Variants in HPSE2 observed in about 807,000 individuals in gnomAD.
HPSE2 encodes the protein heparanase 2 (inactive).
In HPSE2, 38 loss-of-function variants were observed where a neutral mutation model predicts 60.5. The ratio of observed to expected loss-of-function variants is 0.63; its 90% CI spans 0.48 to 0.82. The LOEUF is 0.82. HPSE2 is among the 40% of genes least tolerant of loss of function. The pLI, the probability that HPSE2 is intolerant of heterozygous loss-of-function variation, is 0.00. For synonymous variants in HPSE2, 295 were observed against 293.2 expected (o/e 1.01, Z -0.06); for missense variants, 713 against 740.4 (o/e 0.96, Z 0.43).
At chr10:99,072,348 TCAGAG>T (rs3044537) in intron 3 of HPSE2, among the ~76,000 whole-genome samples, 74,096 of 151,444 alleles carry the variant, frequency 0.49, 20,507 homozygotes, top group East Asian at 0.65. Flanking sequence ...GAAACTATCA[TCAGAG>T]CAAACAGGCA....
intron 2 of HPSE2, among the ~76,000 whole-genome samples, chr10:99,147,312 C>A (rs546555595): frequency 2.0e-5 from 3 of 152,240 alleles, no homozygotes; most frequent in Non-Finnish European, 4.4e-5. Context: ...TATACTGTTA[C>A]AATGGTATTC....
intron 2 of HPSE2, among the ~76,000 whole-genome samples, chr10:99,174,967 G>A (rs1026180914): frequency 6.6e-6 from 1 of 152,210 alleles, no homozygotes; most frequent in African/African-American, 2.4e-5. Context: ...TGGAAGGCGA[G>A]CAGAAGCAGG....
In HPSE2 at chr10:99,120,253, A is replaced by G. The variant is rs569048573; in HGVS notation, c.610+23985T>C. Among the ~76,000 whole-genome samples, 5 of 152,330 alleles carry G rather than the reference A, an allele frequency of 3.3e-5. No individual in the cohort carries two copies. The East Asian group carries it at 9.6e-4, about 29-fold the overall frequency. ...GAACTTAAACAAATTTACGATTTAA[A>G]AAAACCATTAAAAAGTGGGCAAAGG... On this transcript the variant is annotated intron_variant, in intron 3 of 11. Transcript: ENST00000370552.
At chr10:99,173,600 G>A (rs2133808720) in intron 2 of HPSE2, among the ~76,000 whole-genome samples, 2 of 152,188 alleles carry the variant, frequency 1.3e-5, no homozygotes, top group South Asian at 4.2e-4. Flanking sequence ...ACTGGAAAGG[G>A]TCTGTAAAAC....
At chr10:98,510,647 C>A (rs1942358919) in intron 9 of HPSE2, among the ~76,000 whole-genome samples, 1 of 152,180 alleles carries the variant, frequency 6.6e-6, no homozygotes, top group African/African-American at 2.4e-5. Context: ...GGACTCTGAC[C>A]CTAGGCTCTG....
intron 3 of HPSE2, among the ~76,000 whole-genome samples, chr10:98,895,932 T>A: frequency 1.0e-5 from 1 of 96,246 alleles, no homozygotes. Context: ...CTGGGGACTG[T>A]TGTGGGGTGG....
intron 9 of HPSE2, among the ~76,000 whole-genome samples, chr10:98,560,462 T>C (rs987480691): frequency 3.9e-5 from 6 of 152,252 alleles, no homozygotes; most frequent in African/African-American, 1.2e-4. Context: ...TCCCATGGCC[T>C]GCCACTCCCT....
chr10:98,966,119 G>A (rs1192662622), intron 3 of HPSE2, among the ~76,000 whole-genome samples: 2 of 152,156 alleles, frequency 1.3e-5, no homozygotes, highest in African/African-American at 4.8e-5. Context: ...TTGAACCCAT[G>A]ACCTCAAGTG....
intron 2 of HPSE2, among the ~76,000 whole-genome samples, chr10:99,150,584 G>C (rs1320860725): frequency 6.6e-6 from 1 of 152,186 alleles, no homozygotes; most frequent in Non-Finnish European, 1.5e-5. Flanking sequence ...GCCTCCCAAA[G>C]AGCTGGGATT....
chr10:98,606,888 T>C (rs1464075369), intron 9 of HPSE2, among the ~76,000 whole-genome samples: 2 of 152,206 alleles, frequency 1.3e-5, no homozygotes, highest in South Asian at 4.1e-4. Flanking sequence ...ATTTTTTGGT[T>C]CCTACAGGTC....
chr10:98,544,966 G>C (rs1943615844), intron 9 of HPSE2, among the ~76,000 whole-genome samples: 1 of 151,858 alleles, frequency 6.6e-6, no homozygotes, highest in Non-Finnish European at 1.5e-5. Context: ...AAATGACAAA[G>C]GGGATATCAC....
At chr10:99,078,134 T>C (rs1390571407) in intron 3 of HPSE2, among the ~76,000 whole-genome samples, 1 of 152,222 alleles carries the variant, frequency 6.6e-6, no homozygotes, top group African/African-American at 2.4e-5. Context: ...ATGCTTCCTG[T>C]ACAGCCCACA....
At chr10:98,859,233 T>G (rs1408785374) in intron 3 of HPSE2, among the ~76,000 whole-genome samples, 1 of 152,212 alleles carries the variant, frequency 6.6e-6, no homozygotes, top group Non-Finnish European at 1.5e-5. Context: ...AGTTGAGTAG[T>G]TTTGACCATA....
chr10:99,268,048 G>A, the HPSE2 span, among the ~76,000 whole-genome samples: 3 of 152,142 alleles, frequency 2.0e-5, no homozygotes, highest in African/African-American at 7.2e-5. Context: ...AGAGCTCTGA[G>A]GCAAGAGTAC....
At chr10:98,514,711 GTTTTTTTTTT>G (rs35977879) in intron 9 of HPSE2, among the ~76,000 whole-genome samples, 1 of 67,726 alleles carries the variant, frequency 1.5e-5, no homozygotes, top group Non-Finnish European at 2.9e-5. Context: ...TATATACTTT[GTTTTTTTTTT>G]TTTTTTTTTT....
At chr10:98,553,558 G>A (rs1943920444) in intron 9 of HPSE2, among the ~76,000 whole-genome samples, 1 of 152,116 alleles carries the variant, frequency 6.6e-6, no homozygotes, top group Non-Finnish European at 1.5e-5. Context: ...TCAAGCCTTG[G>A]CAATGGCCAG....
chr10:98,780,317 T>C lies in HPSE2; in HGVS notation c.611-36261A>G, dbSNP rs148284621. ...TAATTCTTATAGAAAATTTAGTTTATAGTGTTGGCAATGATTAAATAAATA... is the reference window on the plus strand; with the variant it reads ...TAATTCTTATAGAAAATTTAGTTTACAGTGTTGGCAATGATTAAATAAATA... On this transcript the variant is annotated intron_variant, in intron 3 of 11. Transcript: ENST00000370552. Among the ~76,000 whole-genome samples the C allele has an allele frequency of 8.5e-3, 1,297 of 152,258 alleles. 12 individuals carry two copies. Among genetic ancestry groups the C allele is most frequent in the African/African-American group, 0.029 (1,212 of 41,548 alleles).
chr10:99,231,480 C>G (rs1412320999), intron 2 of HPSE2, among the ~76,000 whole-genome samples: 1 of 152,166 alleles, frequency 6.6e-6, no homozygotes, highest in Non-Finnish European at 1.5e-5. Context: ...CATCCCTCCA[C>G]TTAAACAGGA....
intron 3 of HPSE2, among the ~76,000 whole-genome samples, chr10:98,750,743 G>C (rs1026005452): frequency 8.5e-5 from 13 of 152,104 alleles, no homozygotes; most frequent in Non-Finnish European, 1.9e-4. Context: ...GAAAGATTGG[G>C]AGAAGAGAGA....
Sources: allele counts gnomAD v4.1 joint callset (sites outside exome capture counted in the v4.1 genomes callset), GRCh38; gene constraint gnomAD v4.1.1; transcripts MANE v1.5; gene names NCBI Gene and HGNC (gene_info 2026-07-23, HGNC 2026-07-21).